ZNF697: variants seen among roughly 807,000 people sequenced by gnomAD.
The protein encoded by ZNF697 is zinc finger protein 697.
In ZNF697, 23 loss-of-function variants were observed where a neutral mutation model predicts 32.4. The observed-to-expected ratio is 0.71, with a 90% CI of 0.51 to 1.01. ZNF697 has a LOEUF of 1.01. Ranked by LOEUF, ZNF697 falls within the 50% of genes least tolerant of loss-of-function variation. ZNF697 has a pLI of 0.00. For missense variants in ZNF697, 930 were observed against 794.0 expected (o/e 1.17, Z -2.06); for synonymous variants, 418 against 337.2 (o/e 1.24, Z -2.62).
intron 1 of ZNF697, among the ~76,000 whole-genome samples, chr1:119,639,937 T>C (rs587712628): frequency 1.3e-5 from 2 of 152,274 alleles, no homozygotes; most frequent in East Asian, 3.9e-4. Context: ...CTTAAGCAAA[T>C]TGTTCAACCT....
chr1:119,623,706 G>A lies in ZNF697; in HGVS notation c.637C>T (p.Leu213=), dbSNP rs1648459123. The A allele has an allele frequency of 6.7e-7, 1 of 1,503,556 alleles. No individual in the cohort carries two copies. The highest frequency in any genetic ancestry group is 8.9e-7 in the Non-Finnish European group (1 of 1,126,528). The allele number at this position is 1,503,556 out of a possible 1,614,324, so 93.1% of individuals were successfully genotyped here. Residue 213 remains leucine (L), a synonymous_variant, in exon 3 of 3, where the codon CTG becomes TTG. Coordinates refer to ENST00000421812, the MANE Select transcript of ZNF697 (RefSeq NM_001080470.2). ...CTGGCGGCGGCAGCGGCCTCAGCCAGGCGGTGAATGCGCTGGTGCTGCAGG... is the reference window on the plus strand; with the variant it reads ...CTGGCGGCGGCAGCGGCCTCAGCCAAGCGGTGAATGCGCTGGTGCTGCAGG... ...AFLQHQRIHR[L]AEAAAAASLE...
Position 119,631,301 on chromosome 1 carries a change from C to A in ZNF697, c.-37-5164G>T, listed in dbSNP as rs587686370. ...GAGCGGACCTAAGCACCTTCCTATG[C>A]ACTGCAGCGGGTCCATCTCCTTTGA... On this transcript the variant is annotated intron_variant, in intron 1 of 2. Transcript: ENST00000421812. Among the ~76,000 whole-genome samples the A allele has an allele frequency of 2.0e-5, 3 of 152,374 alleles. No homozygotes were observed. The South Asian group carries it at 6.2e-4, about 32-fold the overall frequency.
rs1222927048 is a variant in ZNF697, at chr1:119,620,291, C to T, written c.*2414G>A. 1 of 152,542 alleles carries T rather than the reference C, an allele frequency of 6.6e-6. No homozygotes were observed. The highest frequency in any genetic ancestry group is 6.6e-5 in the Admixed American group (1 of 15,266). 9.4% of individuals were successfully genotyped at this position (152,542 alleles called of 1,614,324 possible). On this transcript the variant is annotated 3_prime_UTR_variant, in exon 3 of 3. Coordinates refer to ENST00000421812, the MANE Select transcript of ZNF697 (RefSeq NM_001080470.2). ...TTACATTAGCTTCACTCTCCACTCCCTGTTGAACCCATTCTCTAAAGTTGC... is the reference window on the plus strand; with the variant it reads ...TTACATTAGCTTCACTCTCCACTCCTTGTTGAACCCATTCTCTAAAGTTGC...
At chr1:119,624,676 C>T (rs1305134803) in intron 2 of ZNF697, among the ~76,000 whole-genome samples, 1 of 152,110 alleles carries the variant, frequency 6.6e-6, no homozygotes, top group Non-Finnish European at 1.5e-5. Flanking sequence ...CTCACTGCAA[C>T]CTCCGCCTCC....
Position 119,622,417 on chromosome 1 carries a change from T to TCCTCAAAGC in ZNF697, c.*287_*288insGCTTTGAGG, listed in dbSNP as rs587774900. On this transcript the variant is annotated 3_prime_UTR_variant, in exon 3 of 3. Transcript: ENST00000421812. ...GCCCACGAACTGCCCTTCCTCAAAG[T>TCCTCAAAGC]GCCTGGTCCTCCAAGCTCTTCACCC... is the stretch of plus-strand genomic sequence containing the variant. 5.0e-3 allele frequency: 2,032 copies of TCCTCAAAGC among 402,624 alleles called. 54 individuals are homozygous for TCCTCAAAGC. Among genetic ancestry groups the TCCTCAAAGC allele is most frequent in the African/African-American group, 0.038 (1,847 of 48,298 alleles). 24.9% of individuals were successfully genotyped at this position (402,624 alleles called of 1,614,324 possible).
At chr1:119,640,063 G>C (rs1427960792) in intron 1 of ZNF697, among the ~76,000 whole-genome samples, 1 of 152,152 alleles carries the variant, frequency 6.6e-6, no homozygotes, top group African/African-American at 2.4e-5. Flanking sequence ...TATGACTTAA[G>C]ATACTTTTTC....
At chr1:119,636,335 A>C (rs1648919712) in intron 1 of ZNF697, among the ~76,000 whole-genome samples, 1 of 152,192 alleles carries the variant, frequency 6.6e-6, no homozygotes, top group Admixed American at 6.5e-5. Flanking sequence ...TGGACTCTGA[A>C]AGGATCCGTG....
intron 1 of ZNF697, among the ~76,000 whole-genome samples, chr1:119,634,523 A>G (rs1648869939): frequency 6.6e-6 from 1 of 152,260 alleles, no homozygotes; most frequent in African/African-American, 2.4e-5. Flanking sequence ...TTCCACAGCT[A>G]GTTTTCAGCA....
intron 1 of ZNF697, among the ~76,000 whole-genome samples, chr1:119,630,948 G>T (rs587719122): frequency 2.0e-5 from 3 of 152,306 alleles, no homozygotes; most frequent in East Asian, 1.9e-4. Context: ...GCCAGAATTA[G>T]AATTTAAACC....
At chr1:119,645,263 A>T (rs888294659) in intron 1 of ZNF697, among the ~76,000 whole-genome samples, 6 of 152,218 alleles carry the variant, frequency 3.9e-5, no homozygotes, top group Non-Finnish European at 7.3e-5. Flanking sequence ...GAAAGGCTCC[A>T]TCCCATTTTC....
Position 119,623,887 on chromosome 1 carries a change from C to T in ZNF697, c.456G>A (p.Arg152=). ...PWRRHLSLGS[R]HRGDKPAHRR... is the part of the protein sequence containing the mutation. The stretch of plus-strand genomic sequence containing the variant: ...GGTGGGCGGGCTTGTCACCTCGGTG[C>T]CGACTCCCCAGGGAGAGATGTCGCC... The change falls in exon 3 of 3, where the codon CGG becomes CGA. Residue 152 remains arginine (R), a synonymous_variant. Coordinates refer to ENST00000421812, the MANE Select transcript of ZNF697 (RefSeq NM_001080470.2). The T allele has an allele frequency of 6.5e-7, 1 of 1,545,294 alleles. No homozygotes were observed. Among genetic ancestry groups the T allele is most frequent in the Non-Finnish European group, 8.7e-7 (1 of 1,143,134 alleles).
In ZNF697 at chr1:119,648,202, T is replaced by TTGGCTGGCTGGCTGGCTGGCTGGCTGGC. The variant is rs587734493; in HGVS notation, c.-577_-550dup. Among the ~76,000 whole-genome samples the TTGGCTGGCTGGCTGGCTGGCTGGCTGGC allele has an allele frequency of 9.3e-5, 14 of 150,298 alleles. No individual in the cohort carries two copies. The highest frequency in any genetic ancestry group is 2.4e-4 in the African/African-American group (10 of 40,954). ...GCTGGGTGGCCCGCTGGCTGGCTGGTTGGCTGGCTGGCTGGCTGGCTGGCT... is the reference window on the plus strand; with the variant it reads ...GCTGGGTGGCCCGCTGGCTGGCTGGTTGGCTGGCTGGCTGGCTGGCTGGCTGGCTGGCTGGCTGGCTGGCTGGCTGGCT... On this transcript the variant is annotated 5_prime_UTR_variant, in exon 1 of 3. Coordinates refer to ENST00000421812, the MANE Select transcript of ZNF697 (RefSeq NM_001080470.2).
chr1:119,638,062 C>T (rs1648974465), intron 1 of ZNF697, among the ~76,000 whole-genome samples: 1 of 152,190 alleles, frequency 6.6e-6, no homozygotes. Flanking sequence ...TCTTTAAAGA[C>T]ATTTTTCTAT....
In ZNF697 at chr1:119,621,601, T is replaced by C. The variant is rs1648314632; in HGVS notation, c.*1104A>G. 1 of 152,616 alleles carries C rather than the reference T, an allele frequency of 6.6e-6. No individual in the cohort carries two copies. Among genetic ancestry groups the C allele is most frequent in the Admixed American group, 6.5e-5 (1 of 15,286 alleles). 9.5% of individuals were successfully genotyped at this position (152,616 alleles called of 1,614,324 possible). On this transcript the variant is annotated 3_prime_UTR_variant, in exon 3 of 3. Coordinates refer to ENST00000421812, the MANE Select transcript of ZNF697 (RefSeq NM_001080470.2). ...GACATTCTTACTTAGACTAGATCCC[T>C]CGTCAATATGCATGGAAGTGGGGGT...
At position 119,623,580 on chromosome 1, in the gene ZNF697, G is replaced by A. The variant is rs905703833; in HGVS notation, c.763C>T (p.Pro255Ser). 68 of 1,453,386 alleles carry A rather than the reference G, an allele frequency of 4.7e-5. No homozygotes were observed. Among genetic ancestry groups the A allele is most frequent in the African/African-American group, 6.1e-5 (4 of 66,034 alleles). 90.0% of individuals were successfully genotyped at this position (1,453,386 alleles called of 1,614,324 possible). A position where few individuals can be genotyped will look rare whatever the true frequency, so the allele number is the denominator to read the frequency against. ...CAGCGGAAGGGCTTTTCGCGCGGGG[G>A]CCGGGCCAGCGGGGGCCCGGCCCCG... The part of the protein sequence containing the change: ...GFGAGPPLAR[P>S]PREKPFRCGE... Residue 255 changes from proline to serine, a missense_variant, in exon 3 of 3, where the codon CCC becomes TCC. Pro to Ser is a moderately conservative substitution (Grantham distance 74, BLOSUM62 -1). Coordinates refer to ENST00000421812, the MANE Select transcript of ZNF697 (RefSeq NM_001080470.2).
At chr1:119,632,959 C>G (rs1482968896) in intron 1 of ZNF697, among the ~76,000 whole-genome samples, 4 of 152,166 alleles carry the variant, frequency 2.6e-5, no homozygotes, top group African/African-American at 9.7e-5. Flanking sequence ...TGTGCTCCAC[C>G]ACCACTACTG....
Position 119,625,882 on chromosome 1 carries a change from G to C in ZNF697, c.219C>G (p.Ile73Met), listed in dbSNP as rs755154482. The C allele has an allele frequency of 1.9e-6, 3 of 1,613,492 alleles. No individual in the cohort carries two copies. Among genetic ancestry groups the C allele is most frequent in the African/African-American group, 1.3e-5 (1 of 74,928 alleles). The change falls in exon 2 of 3, where the codon ATC becomes ATG. Residue 73 changes from isoleucine (I) to methionine (M), a missense_variant. Coordinates refer to ENST00000421812, the MANE Select transcript of ZNF697 (RefSeq NM_001080470.2). ...DSRHREAVPD[I>M]CTEGQLSEEE... ...TCCCAGCTTTCTCCTCACCTGTGCA[G>C]ATGTCGGGCACTGCTTCCCTGTGCC...
In ZNF697 at chr1:119,648,061, A is replaced by G. The variant is rs1649263902; in HGVS notation, c.-408T>C. Among the ~76,000 whole-genome samples, 1 of 152,144 alleles carries G rather than the reference A, an allele frequency of 6.6e-6. No homozygotes were observed. The highest frequency in any genetic ancestry group is 2.1e-4 in the South Asian group (1 of 4,834). On this transcript the variant is annotated 5_prime_UTR_variant, in exon 1 of 3. Transcript: ENST00000421812. ...GAGGCGGTTGAGCCCAGCCACAGCCACGCTCCTACCTGCGAGGCGGCTGGC... is the reference window on the plus strand; with the variant it reads ...GAGGCGGTTGAGCCCAGCCACAGCCGCGCTCCTACCTGCGAGGCGGCTGGC...
At chr1:119,644,079 G>A (rs1325678551) in intron 1 of ZNF697, among the ~76,000 whole-genome samples, 3 of 152,178 alleles carry the variant, frequency 2.0e-5, no homozygotes, top group Non-Finnish European at 4.4e-5. Context: ...TCCCTGTCAC[G>A]TGTGGGAACC....
Sources: gnomAD v4.1 joint callset for allele counts (sites outside exome capture counted in the v4.1 genomes callset) on GRCh38, gnomAD v4.1.1 for gene constraint, MANE v1.5 for transcripts, NCBI Gene and HGNC (gene_info 2026-07-23, HGNC 2026-07-21) for gene names.